CNTNAP2: variants seen among roughly 807,000 people sequenced by gnomAD.
CNTNAP2 encodes contactin associated protein 2.
In CNTNAP2, 98 loss-of-function variants were observed where a neutral mutation model predicts 155.2. The observed-to-expected ratio is 0.63, with a 90% CI of 0.54 to 0.75. The LOEUF (loss-of-function observed/expected upper bound fraction) is 0.75, where lower values mean the gene tolerates loss of function less well. CNTNAP2 is among the 30% of genes least tolerant of loss of function. The pLI is 0.00. For missense variants in CNTNAP2, 1,727 were observed against 1,688.1 expected (o/e 1.02, Z -0.40); for synonymous variants, 651 against 631.2 (o/e 1.03, Z -0.47).
chr7:147,530,079 C>T (rs1368247403), intron 11 of CNTNAP2, among the ~76,000 whole-genome samples: 1 of 152,056 alleles, frequency 6.6e-6, no homozygotes, highest in Non-Finnish European at 1.5e-5. Context: ...TGTTTTCACA[C>T]TGCTGATAAG....
intron 15 of CNTNAP2, among the ~76,000 whole-genome samples, chr7:148,027,256 T>G (rs13228312): frequency 0.041 from 6,219 of 152,302 alleles, 294 homozygotes; most frequent in East Asian, 0.27. Context: ...AATATCTAGT[T>G]TTCTTCACAT....
At chr7:146,572,392 C>G (rs1281973615) in intron 1 of CNTNAP2, among the ~76,000 whole-genome samples, 7 of 151,460 alleles carry the variant, frequency 4.6e-5, no homozygotes, top group Admixed American at 4.0e-4. Flanking sequence ...TTTACAGTCT[C>G]AGACTTAGGG....
At position 148,209,011 on chromosome 7, in the gene CNTNAP2, G is replaced by A. The variant is rs916257567; in HGVS notation, c.3011-8277G>A. Among the ~76,000 whole-genome samples, 2 of 152,064 alleles carry A rather than the reference G, an allele frequency of 1.3e-5. 1 individual carries two copies. Among genetic ancestry groups the A allele is most frequent in the Non-Finnish European group, 2.9e-5 (2 of 68,016 alleles). On this transcript the variant is annotated intron_variant, in intron 18 of 23. Coordinates refer to ENST00000361727, the MANE Select transcript of CNTNAP2 (RefSeq NM_014141.6). Reference sequence around the variant, plus strand: ...AGGGAATTCTATCCATGCTTGCATTGTAAATACCATCATAAAAATGATTTT... The same window carrying A: ...AGGGAATTCTATCCATGCTTGCATTATAAATACCATCATAAAAATGATTTT...
chr7:148,098,633 G>T (rs970733963), intron 15 of CNTNAP2, among the ~76,000 whole-genome samples: 2 of 151,938 alleles, frequency 1.3e-5, no homozygotes, highest in Non-Finnish European at 2.9e-5. Flanking sequence ...GAGCCCAGGA[G>T]TTTGAGTCCA....
intron 1 of CNTNAP2, among the ~76,000 whole-genome samples, chr7:146,268,422 T>C (rs191597507): frequency 6.6e-6 from 1 of 152,286 alleles, no homozygotes; most frequent in Admixed American, 6.5e-5. Context: ...GTGCCACAAG[T>C]GGACCAAATA....
chr7:147,477,246 A>G (rs1798339252), intron 10 of CNTNAP2, among the ~76,000 whole-genome samples: 1 of 152,192 alleles, frequency 6.6e-6, no homozygotes, highest in African/African-American at 2.4e-5. Context: ...CTTTTTTAAG[A>G]GTTTCTATCA....
intron 3 of CNTNAP2, among the ~76,000 whole-genome samples, chr7:146,918,206 G>A (rs996984629): frequency 1.3e-5 from 2 of 151,984 alleles, no homozygotes; most frequent in Non-Finnish European, 2.9e-5. Context: ...GTGAGGTATT[G>A]TTTTATTCAT....
At chr7:148,230,744 G>A (rs1795947801) in intron 20 of CNTNAP2, among the ~76,000 whole-genome samples, 1 of 152,106 alleles carries the variant, frequency 6.6e-6, no homozygotes, top group Non-Finnish European at 1.5e-5. Flanking sequence ...TTAAGGAGAG[G>A]CCTTTCCTAG....
chr7:148,340,388 C>G (rs1314395832), intron 21 of CNTNAP2, among the ~76,000 whole-genome samples: 2 of 152,168 alleles, frequency 1.3e-5, no homozygotes, highest in South Asian at 2.1e-4. Context: ...CGGTCCTGTT[C>G]AGTTTGCCTT....
At chr7:146,884,323 T>C (rs1795612737) in intron 3 of CNTNAP2, among the ~76,000 whole-genome samples, 1 of 152,202 alleles carries the variant, frequency 6.6e-6, no homozygotes, top group Non-Finnish European at 1.5e-5. Flanking sequence ...TGTGCTTCTT[T>C]TCTTGCATAT....
At chr7:146,420,088 T>G (rs558212574) in intron 1 of CNTNAP2, among the ~76,000 whole-genome samples, 1 of 152,258 alleles carries the variant, frequency 6.6e-6, no homozygotes, top group South Asian at 2.1e-4. Flanking sequence ...GAATAACTTT[T>G]TCAGAGATTC....
At chr7:146,223,764 CCTCCA>C (rs1562996005) in intron 1 of CNTNAP2, among the ~76,000 whole-genome samples, 7 of 152,112 alleles carry the variant, frequency 4.6e-5, no homozygotes, top group Admixed American at 2.6e-4. Context: ...AATAAAGTAA[CCTCCA>C]CACCAAAGTA....
At chr7:147,327,583 A>T (rs1287789197) in intron 9 of CNTNAP2, among the ~76,000 whole-genome samples, 1 of 152,228 alleles carries the variant, frequency 6.6e-6, no homozygotes, top group Non-Finnish European at 1.5e-5. Flanking sequence ...AGAAACCTCT[A>T]AAATGTGGGA....
At chr7:146,624,994 C>T (rs564987450) in intron 1 of CNTNAP2, among the ~76,000 whole-genome samples, 1 of 151,848 alleles carries the variant, frequency 6.6e-6, no homozygotes, top group Non-Finnish European at 1.5e-5. Flanking sequence ...TAATCTCCAT[C>T]CAACAAACAG....
intron 1 of CNTNAP2, among the ~76,000 whole-genome samples, chr7:146,430,616 T>A (rs902386921): frequency 2.6e-5 from 4 of 152,140 alleles, no homozygotes; most frequent in African/African-American, 9.6e-5. Context: ...TGGCTGCACC[T>A]CAATTCTTCT....
chr7:148,119,072 G>A (rs1275909626), intron 16 of CNTNAP2, among the ~76,000 whole-genome samples: 7 of 152,200 alleles, frequency 4.6e-5, no homozygotes, highest in Non-Finnish European at 1.0e-4. Flanking sequence ...CTGACTTCCA[G>A]GCCAGTTGAT....
At chr7:147,729,688 A>G (rs149625167) in intron 13 of CNTNAP2, among the ~76,000 whole-genome samples, 1,667 of 152,226 alleles carry the variant, frequency 0.011, 95 homozygotes, top group Admixed American at 0.087. Context: ...TGAGGGTAAT[A>G]GAGAAGATGG....
intron 1 of CNTNAP2, among the ~76,000 whole-genome samples, chr7:146,635,108 C>T (rs536254125): frequency 6.6e-6 from 1 of 151,686 alleles, no homozygotes; most frequent in Non-Finnish European, 1.5e-5. Context: ...AGAAAATGTG[C>T]GTCCAGGAAT....
At chr7:146,420,412 T>C (rs1795993926) in intron 1 of CNTNAP2, among the ~76,000 whole-genome samples, 1 of 152,082 alleles carries the variant, frequency 6.6e-6, no homozygotes, top group African/African-American at 2.4e-5. Context: ...CTTGCCCATA[T>C]TTACCAGATC....
Sources: gnomAD v4.1 joint callset for allele counts (sites outside exome capture counted in the v4.1 genomes callset) on GRCh38, gnomAD v4.1.1 for gene constraint, MANE v1.5 for transcripts, NCBI Gene and HGNC (gene_info 2026-07-23, HGNC 2026-07-21) for gene names.